The following CEP192 variants were observed in gnomAD, a reference collection of about 807,000 sequenced individuals.
CEP192 encodes the protein centrosomal protein 192, also known as centrosomal protein of 192 kDa.
Under a neutral mutation model 271.8 loss-of-function variants are expected in CEP192, and 151 were observed. The observed-to-expected ratio is 0.56, with a 90% CI of 0.49 to 0.64. CEP192 has a LOEUF of 0.64. CEP192 is among the 30% of genes least tolerant of loss of function. The pLI, the probability that CEP192 is intolerant of heterozygous loss-of-function variation, is 0.00. For missense variants in CEP192, 2,910 were observed against 3,020.5 expected, an observed-to-expected ratio of 0.96 and a Z score of 0.86; for synonymous variants, 995 against 1,076.5, an observed-to-expected ratio of 0.92 and a Z score of 1.48.
At chr18:13,092,617 T>C (rs2039200931) in intron 34 of CEP192, 90 bp downstream of exon 34, 6 of 918,676 alleles carry the variant, frequency 6.5e-6, no homozygotes, top group Middle Eastern at 2.7e-4. Flanking sequence ...TTCACTATTA[T>C]TATTATTTTG....
intron 9 of CEP192, among the ~76,000 whole-genome samples, chr18:13,028,750 C>T (rs558255090): frequency 1.3e-5 from 2 of 152,214 alleles, no homozygotes; most frequent in South Asian, 4.2e-4. Context: ...GAACCCCTGA[C>T]CTCAGGTGAT....
At chr18:13,013,717 A>T (rs1349965297) in intron 5 of CEP192, among the ~76,000 whole-genome samples, 1 of 152,244 alleles carries the variant, frequency 6.6e-6, no homozygotes, top group African/African-American at 2.4e-5. Context: ...TGCTGAGAAG[A>T]TAAACAGTTT....
intron 13 of CEP192, among the ~76,000 whole-genome samples, chr18:13,039,424 C>G (rs11080622): frequency 0.14 from 20,566 of 150,098 alleles, 2,184 homozygotes; most frequent in African/African-American, 0.29. Flanking sequence ...CCACTGCACT[C>G]CAGCCTGGGC....
At chr18:13,119,159 C>A (rs537075965) in intron 44 of CEP192, among the ~76,000 whole-genome samples, 1 of 152,296 alleles carries the variant, frequency 6.6e-6, no homozygotes, top group Non-Finnish European at 1.5e-5. Flanking sequence ...AGAAAAAGAT[C>A]ATTTAAATTT....
rs777555026 is a variant in CEP192, at chr18:13,055,810, A to C, written c.3220A>C (p.Ile1074Leu). Residue 1074 changes from isoleucine to leucine, a missense_variant, in exon 19 of 45, where the codon ATT (isoleucine) becomes CTT (leucine). Coordinates refer to ENST00000506447, the MANE Select transcript of CEP192 (RefSeq NM_032142.4). The stretch of plus-strand genomic sequence containing the variant: ...TATCACCAGCGAGTTGAGTACCACA[A>C]TTATTCAAGGCAGTCCAGCCGCATT... The part of the protein sequence containing the change: ...SDITSELSTT[I>L]IQGSPAALEE... The C allele has an allele frequency of 6.3e-7, 1 of 1,587,280 alleles. No individual in the cohort carries two copies. The highest frequency in any genetic ancestry group is 8.6e-7 in the Non-Finnish European group (1 of 1,168,940).
At chr18:13,087,975 G>T (rs1374027608) in intron 32 of CEP192, among the ~76,000 whole-genome samples, 2 of 152,160 alleles carry the variant, frequency 1.3e-5, no homozygotes, top group Non-Finnish European at 2.9e-5. Flanking sequence ...AAGTGACAGT[G>T]TCAGTTTTAT....
At chr18:13,088,269 G>A (rs1158566012) in intron 32 of CEP192, among the ~76,000 whole-genome samples, 1 of 152,078 alleles carries the variant, frequency 6.6e-6, no homozygotes. Context: ...GCAACATAAT[G>A]AGACCTTGTC....
At position 13,008,480 on chromosome 18, in the gene CEP192, T is replaced by C. The variant is rs1233256838; in HGVS notation, c.315T>C (p.Tyr105=). 6.5e-7 allele frequency: 1 copy of C among 1,550,012 alleles called. No individual in the cohort carries two copies. The highest frequency in any genetic ancestry group is 8.7e-7 in the Non-Finnish European group (1 of 1,146,220). The change falls in exon 4 of 45, where the codon TAT becomes TAC. Residue 105 remains tyrosine (Y), a synonymous_variant. Coordinates refer to ENST00000506447, the MANE Select transcript of CEP192 (RefSeq NM_032142.4). ...GTTCTATCTCTAGGAAAAAGAGCTATGTGGAAAGTCAACGTTTGTCAAATG... is the reference window on the plus strand; with the variant it reads ...GTTCTATCTCTAGGAAAAAGAGCTACGTGGAAAGTCAACGTTTGTCAAATG... The part of the protein sequence containing the change: ...DDDSISRKKS[Y]VESQRLSNAL...
At chr18:13,050,419 A>G (rs1164876054) in intron 17 of CEP192, among the ~76,000 whole-genome samples, 4 of 152,130 alleles carry the variant, frequency 2.6e-5, no homozygotes, top group Non-Finnish European at 5.9e-5. Flanking sequence ...GCTGCCATTA[A>G]AGTTTTTCAT....
intron 11 of CEP192, among the ~76,000 whole-genome samples, chr18:13,033,372 C>T (rs2035740948): frequency 6.6e-6 from 1 of 151,966 alleles, no homozygotes; most frequent in African/African-American, 2.4e-5. Context: ...TAAATCCACC[C>T]AGTCATAGTA....
chr18:13,098,435 C>T (rs527457086), intron 36 of CEP192, among the ~76,000 whole-genome samples: 119 of 146,326 alleles, frequency 8.1e-4, no homozygotes, highest in African/African-American at 2.7e-3. Context: ...GGGCGGCTGC[C>T]GGGCGGAGGG....
At chr18:13,005,372 T>C (rs1318713173) in intron 3 of CEP192, among the ~76,000 whole-genome samples, 1 of 152,156 alleles carries the variant, frequency 6.6e-6, no homozygotes, top group African/African-American at 2.4e-5. Context: ...CTTAAGGGGC[T>C]TGGAGTGCCA....
Position 13,071,087 on chromosome 18 carries a change from G to T in CEP192, c.5223G>T (p.Val1741=), listed in dbSNP as rs1331788668. ...CATTTGGACCTCAGTATGAGGTAGT[G>T]TTAAAAGGCGAAGTCATTTCTTCAG... ...VQPFGPQYEV[V]LKGEVISSGS... The change falls in exon 28 of 45, where the codon GTG becomes GTT. Residue 1741 remains valine (V), a synonymous_variant. Coordinates refer to ENST00000506447, the MANE Select transcript of CEP192 (RefSeq NM_032142.4). The T allele has an allele frequency of 6.2e-7, 1 of 1,613,976 alleles. No homozygotes were observed. The highest frequency in any genetic ancestry group is 1.7e-5 in the Admixed American group (1 of 60,030).
chr18:12,997,062 CG>C (rs1364913404), intron 1 of CEP192, among the ~76,000 whole-genome samples: 1 of 151,824 alleles, frequency 6.6e-6, no homozygotes, highest in Non-Finnish European at 1.5e-5. Context: ...GCATGCCCAG[CG>C]TGGGAGGGCT....
intron 40 of CEP192, among the ~76,000 whole-genome samples, chr18:13,111,561 T>A (rs2040212440): frequency 6.6e-6 from 1 of 152,212 alleles, no homozygotes; most frequent in African/African-American, 2.4e-5. Flanking sequence ...TAAATCTTCA[T>A]GACCTTAGGT....
chr18:13,099,482 A>G lies in CEP192; in HGVS notation c.6564A>G (p.Lys2188=). 2 of 1,536,778 alleles carry G rather than the reference A, an allele frequency of 1.3e-6. No individual in the cohort carries two copies. The highest frequency in any genetic ancestry group is 1.8e-6 in the Non-Finnish European group (2 of 1,131,382). Residue 2188 remains lysine, a synonymous_variant, in exon 37 of 45, where the codon AAA becomes AAG. Transcript: ENST00000506447. ...PQHGCVAPES[K]LQILVSPNSS... Reference sequence around the variant, plus strand: ...TTATTAATTTTTTTTAAAGGAGTAAACTACAAATTCTTGTGAGTCCTAATT... The same window carrying G: ...TTATTAATTTTTTTTAAAGGAGTAAGCTACAAATTCTTGTGAGTCCTAATT...
At chr18:13,064,631 G>T (rs926544776) in intron 21 of CEP192, among the ~76,000 whole-genome samples, 2 of 142,028 alleles carry the variant, frequency 1.4e-5, no homozygotes, top group Non-Finnish European at 3.1e-5. Context: ...AAAAAAAAAA[G>T]AGTTGACTGT....
At chr18:13,022,486 T>A (rs2035048283) in intron 9 of CEP192, among the ~76,000 whole-genome samples, 1 of 152,194 alleles carries the variant, frequency 6.6e-6, no homozygotes, top group Non-Finnish European at 1.5e-5. Flanking sequence ...GTTCAAGCGA[T>A]CCTCTCTCCT....
At chr18:13,014,232 T>C (rs1195315514) in intron 5 of CEP192, among the ~76,000 whole-genome samples, 1 of 152,218 alleles carries the variant, frequency 6.6e-6, no homozygotes, top group Non-Finnish European at 1.5e-5. Flanking sequence ...AATTAATTAA[T>C]TTTTGAAATT....
Sources: gnomAD v4.1 joint callset for allele counts (sites outside exome capture counted in the v4.1 genomes callset) on GRCh38, gnomAD v4.1.1 for gene constraint, MANE v1.5 for transcripts, NCBI Gene and HGNC (gene_info 2026-07-23, HGNC 2026-07-21) for gene names.